Variants in PITPNA observed in about 807,000 individuals in gnomAD.
PITPNA encodes phosphatidylinositol transfer protein alpha, also known as phosphatidylinositol transfer protein alpha isoform.
Under a neutral mutation model 50.3 loss-of-function variants are expected in PITPNA, and 13 were observed. That is an observed-to-expected ratio of 0.26 (90% CI 0.17 to 0.41). PITPNA has a LOEUF of 0.41. Ranked by LOEUF, PITPNA falls within the 10% of genes least tolerant of loss-of-function variation. The probability of loss-of-function intolerance (pLI) is 1.00; values close to 1 mark genes in which losing one functional copy is unlikely to be tolerated. For synonymous variants in PITPNA, 120 were observed against 119.6 expected (o/e 1.00, Z -0.02); for missense variants, 207 against 333.4 (o/e 0.62, Z 2.95).
chr17:1,542,870 TTCCTTGTTAG>T, intron 5 of PITPNA, 140 bp downstream of exon 5: 2 of 605,946 alleles, frequency 3.3e-6, no homozygotes, highest in Admixed American at 5.8e-5. Context: ...AGTTAACAGG[TTCCTTGTTAG>T]TCCACTGACA....
chr17:1,560,257 G>C (rs2075761261), intron 1 of PITPNA, among the ~76,000 whole-genome samples: 1 of 152,210 alleles, frequency 6.6e-6, no homozygotes, highest in South Asian at 2.1e-4. Context: ...GGCAGCAATA[G>C]GGTACAATTC....
intron 3 of PITPNA, among the ~76,000 whole-genome samples, chr17:1,551,568 C>T (rs1028106127): frequency 6.6e-6 from 1 of 152,218 alleles, no homozygotes; most frequent in African/African-American, 2.4e-5. Flanking sequence ...GCTGGGATTA[C>T]AGGCGTGAGC....
chr17:1,540,675 G>A (rs576289823), intron 6 of PITPNA, among the ~76,000 whole-genome samples: 31 of 150,452 alleles, frequency 2.1e-4, no homozygotes, highest in African/African-American at 7.1e-4. Context: ...TGCAAGCTTC[G>A]ACTCCCGGGT....
chr17:1,521,156 T>G lies in PITPNA; in HGVS notation c.*22+423A>C, dbSNP rs530384418. 1.2e-4 allele frequency among the ~76,000 whole-genome samples: 19 copies of G among 152,080 alleles called. No homozygotes were observed. The East Asian group carries it at 2.9e-3, about 23-fold the overall frequency. On this transcript the variant is annotated intron_variant, in intron 11 of 11. Transcript: ENST00000313486. ...AAGGAAATGAAGCACCAGACAACAG[T>G]GGGTGCTAACAAAAGCTGTCTGGCC...
intron 10 of PITPNA, among the ~76,000 whole-genome samples, chr17:1,532,990 A>T (rs901044956): frequency 1.5e-4 from 23 of 152,198 alleles, no homozygotes; most frequent in Admixed American, 7.9e-4. Flanking sequence ...TTCGCCCTAG[A>T]CCAGCATGGT....
intron 3 of PITPNA, among the ~76,000 whole-genome samples, chr17:1,551,489 C>G (rs1336065381): frequency 6.6e-6 from 1 of 151,714 alleles, no homozygotes; most frequent in Non-Finnish European, 1.5e-5. Flanking sequence ...GATGGAGTCT[C>G]GCTATGTTGC....
intron 2 of PITPNA, among the ~76,000 whole-genome samples, chr17:1,554,394 T>A (rs2075725085): frequency 7.4e-6 from 1 of 135,472 alleles, no homozygotes; most frequent in African/African-American, 2.8e-5. Context: ...TTCTCTATTT[T>A]TTTTTTTTTT....
intron 1 of PITPNA, among the ~76,000 whole-genome samples, chr17:1,559,000 G>T (rs954623504): frequency 2.0e-5 from 3 of 152,116 alleles, no homozygotes; most frequent in African/African-American, 7.2e-5. Flanking sequence ...AGTGAGTCTA[G>T]TAAGACAGGT....
At chr17:1,545,095 CTTTCT>C (rs760669033) in intron 4 of PITPNA, among the ~76,000 whole-genome samples, 1 of 151,136 alleles carries the variant, frequency 6.6e-6, no homozygotes, top group Non-Finnish European at 1.5e-5. Flanking sequence ...GAGAAACAAA[CTTTCT>C]TTTCCTTTTC....
rs141214935 is a variant in PITPNA, at chr17:1,539,218, G to C, written c.373-266C>G. On this transcript the variant is annotated intron_variant, in intron 6 of 11. Coordinates refer to ENST00000313486, the MANE Select transcript of PITPNA (RefSeq NM_006224.4). ...ACACTCTAGCATGAACTCCTGGGCC[G>C]GAGTGATCCTCCTGCCTCAGGCTCC... is the stretch of plus-strand genomic sequence containing the variant. Among the ~76,000 whole-genome samples the C allele has an allele frequency of 4.0e-5, 6 of 151,674 alleles. No homozygotes were observed. In the East Asian group the frequency reaches 5.8e-4, roughly 15 times the overall value.
At position 1,558,563 on chromosome 17, in the gene PITPNA, T is replaced by C; in HGVS notation, c.21-4A>G. 6.2e-7 allele frequency: 1 copy of C among 1,600,322 alleles called. No homozygotes were observed. Among genetic ancestry groups the C allele is most frequent in the Non-Finnish European group, 8.6e-7 (1 of 1,168,742 alleles). On this transcript the variant is annotated splice_region_variant and splice_polypyrimidine_tract_variant and intron_variant, in intron 1 of 11. Transcript: ENST00000313486. ...AGACACAGGCAGGATTACTCGACTA[T>C]AAGAAAGGGAAAAGAGAGTATCAAC...
At chr17:1,520,997 G>A (rs1192570494) in intron 11 of PITPNA, among the ~76,000 whole-genome samples, 1 of 152,076 alleles carries the variant, frequency 6.6e-6, no homozygotes, top group Non-Finnish European at 1.5e-5. Flanking sequence ...GAAGGAGGGG[G>A]CTTGGGGAAA....
At chr17:1,525,681 G>A (rs143959830) in intron 10 of PITPNA, among the ~76,000 whole-genome samples, 1 of 151,930 alleles carries the variant, frequency 6.6e-6, no homozygotes, top group Non-Finnish European at 1.5e-5. Flanking sequence ...ACCATGCCTG[G>A]CTAATTTTCT....
intron 10 of PITPNA, among the ~76,000 whole-genome samples, chr17:1,533,440 G>T (rs8082326): frequency 6.6e-6 from 1 of 151,968 alleles, no homozygotes; most frequent in Non-Finnish European, 1.5e-5. Context: ...GACTGCAGTA[G>T]GTAAAGGCCC....
At chr17:1,540,950 G>A (rs2075645364) in intron 6 of PITPNA, among the ~76,000 whole-genome samples, 1 of 152,156 alleles carries the variant, frequency 6.6e-6, no homozygotes, top group African/African-American at 2.4e-5. Context: ...CCAGGCTGGA[G>A]TGTGGTGGTG....
At chr17:1,560,384 C>A (rs1402541412) in intron 1 of PITPNA, among the ~76,000 whole-genome samples, 1 of 134,062 alleles carries the variant, frequency 7.5e-6, no homozygotes, top group Non-Finnish European at 1.6e-5. Flanking sequence ...GCCAGTGTCT[C>A]GGATGCCCTG....
intron 6 of PITPNA, among the ~76,000 whole-genome samples, chr17:1,539,282 G>T (rs191346340): frequency 7.9e-5 from 12 of 151,660 alleles, no homozygotes. Flanking sequence ...CTGGGACCGA[G>T]GGATCCTACT....
chr17:1,521,321 C>T (rs2075510676), intron 11 of PITPNA, among the ~76,000 whole-genome samples: 1 of 151,460 alleles, frequency 6.6e-6, no homozygotes, highest in Non-Finnish European at 1.5e-5. Flanking sequence ...TGATTCGCAG[C>T]AGATGAACTC....
chr17:1,558,630 C>T (rs1315593625), intron 1 of PITPNA, 71 bp from the exon 2 acceptor site: 1 of 1,060,684 alleles, frequency 9.4e-7, no homozygotes, highest in East Asian at 2.4e-5. Flanking sequence ...AAAGCATCAT[C>T]CTAAAACAGT....
Sources: gnomAD v4.1 joint callset for allele counts (sites outside exome capture counted in the v4.1 genomes callset) on GRCh38, gnomAD v4.1.1 for gene constraint, MANE v1.5 for transcripts, NCBI Gene and HGNC (gene_info 2026-07-23, HGNC 2026-07-21) for gene names.